The following PANK1 variants were observed in gnomAD, a reference collection of about 807,000 sequenced individuals.
PANK1 encodes the protein pantothenate kinase 1.
PANK1 carries 18 observed loss-of-function variants against 40.1 expected under a neutral mutation model. The observed-to-expected ratio is 0.45, with a 90% CI of 0.31 to 0.67. The LOEUF is 0.67. Among genes scored for constraint, PANK1 ranks in the 30% least tolerant of loss-of-function variants. The pLI is 0.06. For synonymous variants in PANK1, 242 were observed against 237.7 expected, an observed-to-expected ratio of 1.02 and a Z score of -0.17; for missense variants, 457 against 599.6, an observed-to-expected ratio of 0.76 and a Z score of 2.48.
intron 6 of PANK1, among the ~76,000 whole-genome samples, 173 bp from the exon 7 acceptor site, chr10:89,584,638 T>C (rs1844139345): frequency 6.6e-6 from 1 of 152,250 alleles, no homozygotes; most frequent in South Asian, 2.1e-4. Context: ...CCTACTTATA[T>C]ATATTAAATA....
chr10:89,600,142 A>G (rs1464286970), intron 2 of PANK1, among the ~76,000 whole-genome samples: 1 of 152,210 alleles, frequency 6.6e-6, no homozygotes, highest in Non-Finnish European at 1.5e-5. Flanking sequence ...CTACAAACGA[A>G]TAAATTTCTG....
At chr10:89,580,874 ACT>A (rs1372436775), downstream of PANK1, 6 of 151,786 alleles carry the variant, frequency 4.0e-5, no homozygotes, top group African/African-American at 1.5e-4. Flanking sequence ...CCTCCATTCA[ACT>A]CTCTGCTCAA....
chr10:89,607,937 T>C (rs1225714929), intron 2 of PANK1, among the ~76,000 whole-genome samples: 1 of 152,144 alleles, frequency 6.6e-6, no homozygotes. Flanking sequence ...GAAGTTAGGC[T>C]AAGTTTTTCT....
At chr10:89,617,434 T>C (rs2133973614) in intron 1 of PANK1, among the ~76,000 whole-genome samples, 1 of 152,378 alleles carries the variant, frequency 6.6e-6, no homozygotes, top group Non-Finnish European at 1.5e-5. Context: ...TCATTACTAT[T>C]GACTGCATTT....
chr10:89,637,464 A>G lies in PANK1; in HGVS notation c.292+7136T>C, dbSNP rs889569193. Among the ~76,000 whole-genome samples, 9 of 152,246 alleles carry G rather than the reference A, an allele frequency of 5.9e-5. No homozygotes were observed. In the East Asian group the frequency reaches 1.2e-3, roughly 20 times the overall value. On this transcript the variant is annotated intron_variant, in intron 1 of 6. Transcript: ENST00000307534. ...TTGTTCCTAAGCTGTAAACCTGTAC[A>G]GCATGTTACTGTGCTTAGTACTATA...
chr10:89,614,218 A>G (rs6586202), intron 1 of PANK1, among the ~76,000 whole-genome samples: 105,681 of 152,034 alleles, frequency 0.7, 36,899 homozygotes, highest in East Asian at 0.83. Flanking sequence ...ATAGGATGGG[A>G]GAAGGGTATT....
chr10:89,612,862 A>T (rs1212204567), intron 1 of PANK1, among the ~76,000 whole-genome samples: 1 of 152,218 alleles, frequency 6.6e-6, no homozygotes, highest in East Asian at 1.9e-4. Flanking sequence ...CAGGCATGGC[A>T]TCCAGACATG....
At chr10:89,612,189 G>A in intron 1 of PANK1, 141 bp from the exon 2 acceptor site, 2 of 730,976 alleles carry the variant, frequency 2.7e-6, no homozygotes, top group South Asian at 3.8e-5. Flanking sequence ...TCAACTATAT[G>A]TGCCTAAAAG....
In PANK1 at chr10:89,595,872, AT is replaced by A. The variant is rs1427383851; in HGVS notation, c.900-1884del. ...TATATATATATATATATATATATATATAACTTCATTTACTAATATATATATG... is the reference window on the plus strand; with the variant it reads ...TATATATATATATATATATATATATAAACTTCATTTACTAATATATATATG... On this transcript the variant is annotated intron_variant, in intron 3 of 6. Coordinates refer to ENST00000307534, the MANE Select transcript of PANK1 (RefSeq NM_148977.3). 5.8e-3 allele frequency among the ~76,000 whole-genome samples: 652 copies of A among 111,578 alleles called. 29 individuals are homozygous for A. Among genetic ancestry groups the A allele is most frequent in the East Asian group, 0.016 (57 of 3,574 alleles). The allele number at this position is 111,578 out of a possible 152,430, so 73.2% of individuals were successfully genotyped here.
chr10:89,630,183 A>C (rs1364252459), intron 1 of PANK1, among the ~76,000 whole-genome samples: 1 of 152,244 alleles, frequency 6.6e-6, no homozygotes, highest in Admixed American at 6.5e-5. Flanking sequence ...GTGGACAGAT[A>C]TATACCGGCC....
intron 1 of PANK1, among the ~76,000 whole-genome samples, chr10:89,636,692 C>A (rs1841827729): frequency 6.6e-6 from 1 of 151,454 alleles, no homozygotes; most frequent in South Asian, 2.1e-4. Context: ...ACCTCGTGAT[C>A]CGCCTGCCTT....
At chr10:89,614,191 G>A (rs998169472) in intron 1 of PANK1, among the ~76,000 whole-genome samples, 2 of 152,282 alleles carry the variant, frequency 1.3e-5, no homozygotes, top group Non-Finnish European at 1.5e-5. Context: ...TCAGAGAGGC[G>A]AAGATGCCTA....
At chr10:89,631,774 T>A (rs1231450524) in intron 1 of PANK1, among the ~76,000 whole-genome samples, 2 of 152,112 alleles carry the variant, frequency 1.3e-5, no homozygotes, top group Non-Finnish European at 2.9e-5. Flanking sequence ...CAATAACAGG[T>A]ATGGGCAAAT....
At chr10:89,614,082 T>A (rs1425003107) in intron 1 of PANK1, 3 of 453,082 alleles carry the variant, frequency 6.6e-6, no homozygotes, top group Non-Finnish European at 1.3e-5. Flanking sequence ...CTGACCAGAG[T>A]CTTTTTCAGT....
chr10:89,635,985 C>T (rs1841793236), intron 1 of PANK1, among the ~76,000 whole-genome samples: 1 of 152,248 alleles, frequency 6.6e-6, no homozygotes, highest in South Asian at 2.1e-4. Context: ...CCCAAGGCCT[C>T]AGGTAGGCAG....
intron 2 of PANK1, among the ~76,000 whole-genome samples, chr10:89,602,205 T>C (rs1844808438): frequency 1.3e-5 from 2 of 152,208 alleles, no homozygotes; most frequent in Non-Finnish European, 2.9e-5. Flanking sequence ...CTCCTGAAAC[T>C]ATACTAGGAA....
chr10:89,631,331 T>C (rs1260504909), intron 1 of PANK1, among the ~76,000 whole-genome samples: 1 of 152,224 alleles, frequency 6.6e-6, no homozygotes. Context: ...GTGATACGGA[T>C]TCAGGATCTT....
In PANK1 at chr10:89,611,734, C is replaced by T. The variant is rs771405935; in HGVS notation, c.607G>A (p.Gly203Arg). The stretch of plus-strand genomic sequence containing the variant: ...TCTTCGAATTTGAAAGCCCCGCCTC[C>T]TGTGGCACAGAGGGTGGTGTGAAGG... Reference protein sequence around the residue: ...SSLHTTLCATGGGAFKFEEDF... With the variant: ...SSLHTTLCATRGGAFKFEEDF... The change falls in exon 2 of 7, where the codon GGA becomes AGA. Residue 203 changes from glycine to arginine, a missense_variant. Gly to Arg is a moderately radical substitution (Grantham distance 125, BLOSUM62 -2). Around this residue, in one of 4 missense-constraint regions of PANK1, gnomAD observed 286 missense variants for 415.8 expected, o/e 0.69. Coordinates refer to ENST00000307534, the MANE Select transcript of PANK1 (RefSeq NM_148977.3). 6.2e-7 allele frequency: 1 copy of T among 1,612,982 alleles called. No individual in the cohort carries two copies.
intron 5 of PANK1, 98 bp from the exon 6 acceptor site, chr10:89,588,875 A>G (rs777926992): frequency 3.3e-5 from 25 of 762,912 alleles, no homozygotes; most frequent in Middle Eastern, 2.7e-4. Flanking sequence ...AACCTTGAAG[A>G]GTGAATATTC....
Sources: gnomAD v4.1 joint callset for allele counts (sites outside exome capture counted in the v4.1 genomes callset) on GRCh38, gnomAD v4.1.1 for gene constraint, gnomAD v4.1.1 regional missense constraint, MANE v1.5 for transcripts, NCBI Gene and HGNC (gene_info 2026-07-23, HGNC 2026-07-21) for gene names.